Variants in TMTC1 observed in about 807,000 individuals in gnomAD.
TMTC1 encodes protein O-mannosyl-transferase TMTC1.
TMTC1 carries 73 observed loss-of-function variants against 104.8 expected under a neutral mutation model. That is an observed-to-expected ratio of 0.70 (90% CI 0.58 to 0.85). The LOEUF is 0.85. Ranked by LOEUF, TMTC1 falls within the 40% of genes least tolerant of loss-of-function variation. The pLI, the probability that TMTC1 is intolerant of heterozygous loss-of-function variation, is 0.00. For synonymous variants in TMTC1, 434 were observed against 428.7 expected (o/e 1.01, Z -0.15); for missense variants, 1,035 against 1,096.1 (o/e 0.94, Z 0.79).
intron 5 of TMTC1, among the ~76,000 whole-genome samples, chr12:29,730,598 C>T (rs767322030): frequency 7.2e-5 from 11 of 152,182 alleles, no homozygotes; most frequent in South Asian, 2.1e-4. Flanking sequence ...GAAGGATCAC[C>T]GGATGACAGC....
At chr12:29,646,950 G>T (rs974160828) in intron 5 of TMTC1, among the ~76,000 whole-genome samples, 2 of 152,154 alleles carry the variant, frequency 1.3e-5, no homozygotes, top group Non-Finnish European at 2.9e-5. Context: ...ATGTTTCCTT[G>T]ATTGATTCTC....
chr12:29,721,803 T>A (rs1942243887), intron 5 of TMTC1, among the ~76,000 whole-genome samples: 1 of 152,042 alleles, frequency 6.6e-6, no homozygotes, highest in Admixed American at 6.5e-5. Context: ...TCTGTTGATA[T>A]CTACCATATA....
rs934675820 is a variant in TMTC1, at chr12:29,504,079, G to A, written c.*2767C>T. On this transcript the variant is annotated 3_prime_UTR_variant, in exon 18 of 18. Coordinates refer to ENST00000539277, the MANE Select transcript of TMTC1 (RefSeq NM_001193451.2). Reference sequence around the variant, plus strand: ...ATCCTGGGTGACAAAAAGACAAAGTGGAACTGTGTCTCAAAAAAATAAATA... The same window carrying A: ...ATCCTGGGTGACAAAAAGACAAAGTAGAACTGTGTCTCAAAAAAATAAATA... 3 of 151,822 alleles carry A rather than the reference G, an allele frequency of 2.0e-5. No homozygotes were observed. The highest frequency in any genetic ancestry group is 4.4e-5 in the Non-Finnish European group (3 of 67,990). 9.4% of individuals were successfully genotyped at this position (151,822 alleles called of 1,614,324 possible).
At chr12:29,645,804 TTGGTC>T (rs1322074441) in intron 5 of TMTC1, among the ~76,000 whole-genome samples, 1 of 152,328 alleles carries the variant, frequency 6.6e-6, no homozygotes, top group East Asian at 1.9e-4. Flanking sequence ...AAGAATCCTG[TTGGTC>T]TATTAATGAA....
At chr12:29,644,074 GATAAATAT>G (rs1939135518) in intron 5 of TMTC1, among the ~76,000 whole-genome samples, 1 of 35,902 alleles carries the variant, frequency 2.8e-5, no homozygotes, top group African/African-American at 1.1e-4. Context: ...ATAATTTATA[GATAAATAT>G]AAATATAAAT....
intron 5 of TMTC1, among the ~76,000 whole-genome samples, chr12:29,696,244 T>C (rs1941420700): frequency 6.6e-6 from 1 of 152,316 alleles, no homozygotes; most frequent in Middle Eastern, 3.4e-3. Flanking sequence ...TACATACATC[T>C]AGCTCTAAGT....
intron 10 of TMTC1, among the ~76,000 whole-genome samples, chr12:29,545,580 C>T (rs1219133870): frequency 1.3e-5 from 2 of 150,398 alleles, no homozygotes; most frequent in African/African-American, 2.5e-5. Context: ...TTGCAGTGAG[C>T]TGAGATCAGC....
intron 6 of TMTC1, among the ~76,000 whole-genome samples, chr12:29,607,720 C>T (rs777225124): frequency 3.7e-4 from 56 of 152,210 alleles, no homozygotes; most frequent in South Asian, 6.2e-4. Context: ...ACCCTGCCAC[C>T]GATACACCAT....
intron 8 of TMTC1, among the ~76,000 whole-genome samples, chr12:29,573,597 T>A (rs1320597085): frequency 6.6e-6 from 1 of 152,074 alleles, no homozygotes; most frequent in Non-Finnish European, 1.5e-5. Context: ...CAGAATGGGA[T>A]CAAGAGGAGG....
intron 5 of TMTC1, among the ~76,000 whole-genome samples, chr12:29,666,491 C>A (rs1238845204): frequency 6.6e-6 from 1 of 151,934 alleles, no homozygotes; most frequent in East Asian, 1.9e-4. Context: ...CCTCTGCCTC[C>A]CAAAGTGCTG....
chr12:29,625,387 G>T (rs7134882), intron 6 of TMTC1, among the ~76,000 whole-genome samples: 8,694 of 152,222 alleles, frequency 0.057, 336 homozygotes, highest in Admixed American at 0.083. Flanking sequence ...CTCCCTTCTG[G>T]TGTGTAAGCA....
intron 10 of TMTC1, among the ~76,000 whole-genome samples, chr12:29,553,082 G>T (rs1565666067): frequency 6.6e-6 from 1 of 152,156 alleles, no homozygotes; most frequent in Non-Finnish European, 1.5e-5. Flanking sequence ...ATGCAGGGTG[G>T]TCCTTTCTCC....
intron 5 of TMTC1, among the ~76,000 whole-genome samples, chr12:29,694,051 T>C (rs1377762517): frequency 1.3e-5 from 2 of 152,236 alleles, no homozygotes; most frequent in Non-Finnish European, 2.9e-5. Context: ...AGATCAAATA[T>C]TAGCTGCAGC....
chr12:29,703,346 T>C (rs1243183905), intron 5 of TMTC1, among the ~76,000 whole-genome samples: 1 of 152,102 alleles, frequency 6.6e-6, no homozygotes, highest in East Asian at 1.9e-4. Context: ...TTTCTTTGAA[T>C]TGATGAAGCT....
At chr12:29,706,954 T>A (rs1372328172) in intron 5 of TMTC1, among the ~76,000 whole-genome samples, 1 of 152,094 alleles carries the variant, frequency 6.6e-6, no homozygotes, top group South Asian at 2.1e-4. Context: ...AAGCAGCAAG[T>A]GGAAAAACGT....
chr12:29,646,983 C>G lies in TMTC1; in HGVS notation c.939-13647G>C, dbSNP rs1366414795. On this transcript the variant is annotated intron_variant, in intron 5 of 17. Coordinates refer to ENST00000539277, the MANE Select transcript of TMTC1 (RefSeq NM_001193451.2). ...CTCACATTCACTCAGGTCTGGTAATCACACCTCTAAAATACAGAACAGCTT... is the reference window on the plus strand; with the variant it reads ...CTCACATTCACTCAGGTCTGGTAATGACACCTCTAAAATACAGAACAGCTT... 2.0e-5 allele frequency among the ~76,000 whole-genome samples: 3 copies of G among 152,138 alleles called. No homozygotes were observed. In the East Asian group the frequency reaches 5.8e-4, roughly 29 times the overall value.
At chr12:29,714,733 G>A (rs1942030910) in intron 5 of TMTC1, among the ~76,000 whole-genome samples, 1 of 152,202 alleles carries the variant, frequency 6.6e-6, no homozygotes, top group African/African-American at 2.4e-5. Context: ...ATCCCAACAA[G>A]GATCAGAAGT....
chr12:29,529,898 C>T (rs999843098), intron 11 of TMTC1: 1 of 152,162 alleles, frequency 6.6e-6, no homozygotes, highest in African/African-American at 2.4e-5. Flanking sequence ...TGACAATTTA[C>T]ACAAACAAGA....
At chr12:29,542,146 C>T (rs926829728) in intron 10 of TMTC1, among the ~76,000 whole-genome samples, 1 of 152,104 alleles carries the variant, frequency 6.6e-6, no homozygotes, top group South Asian at 2.1e-4. Flanking sequence ...TTAACTAGCC[C>T]ATAATTGGTG....
Sources: gnomAD v4.1 joint callset for allele counts (sites outside exome capture counted in the v4.1 genomes callset) on GRCh38, gnomAD v4.1.1 for gene constraint, MANE v1.5 for transcripts, NCBI Gene and HGNC (gene_info 2026-07-23, HGNC 2026-07-21) for gene names.